Variants in PCCA observed in about 807,000 individuals in gnomAD.
PCCA encodes propionyl-CoA carboxylase subunit alpha.
PCCA carries 74 observed loss-of-function variants against 101.3 expected under a neutral mutation model. The observed-to-expected ratio is 0.73, with a 90% CI of 0.61 to 0.89. The LOEUF (loss-of-function observed/expected upper bound fraction) is 0.89, where lower values mean the gene tolerates loss of function less well. Ranked by LOEUF, PCCA falls within the 40% of genes least tolerant of loss-of-function variation. PCCA has a pLI of 0.00. For synonymous variants in PCCA, 294 were observed against 313.6 expected, an observed-to-expected ratio of 0.94 and a Z score of 0.66; for missense variants, 891 against 907.0, an observed-to-expected ratio of 0.98 and a Z score of 0.23.
intron 6 of PCCA, among the ~76,000 whole-genome samples, chr13:100,195,696 C>G (rs1350830889): frequency 2.5e-4 from 38 of 152,128 alleles, no homozygotes. Flanking sequence ...ATTTTCTTAC[C>G]TAACACCTCC....
At chr13:100,316,196 A>C (rs1297528400) in intron 16 of PCCA, among the ~76,000 whole-genome samples, 1 of 152,210 alleles carries the variant, frequency 6.6e-6, no homozygotes, top group Non-Finnish European at 1.5e-5. Flanking sequence ...AGGAAAGAAA[A>C]AGAGATAACG....
chr13:100,365,387 A>G (rs2075063169), intron 18 of PCCA, among the ~76,000 whole-genome samples: 2 of 152,180 alleles, frequency 1.3e-5, no homozygotes, highest in African/African-American at 2.4e-5. Context: ...ATCACCATCT[A>G]TAAGGTCCCT....
intron 4 of PCCA, among the ~76,000 whole-genome samples, chr13:100,131,767 T>G (rs1333802581): frequency 6.6e-6 from 1 of 152,224 alleles, no homozygotes; most frequent in Non-Finnish European, 1.5e-5. Flanking sequence ...TGAGCACTTG[T>G]TATGTGAAGA....
At chr13:100,355,665 A>C (rs967067887) in intron 18 of PCCA, among the ~76,000 whole-genome samples, 2 of 152,186 alleles carry the variant, frequency 1.3e-5, no homozygotes, top group African/African-American at 4.8e-5. Context: ...AAGATGACCT[A>C]AATGAAAAAC....
In PCCA at chr13:100,296,773, TTA is replaced by T. The variant is rs1474716956; in HGVS notation, c.1066-4685_1066-4684del. ...ACTTCCTAAAAACAAGTAAATTTTC[TTA>T]TGTAACTATAGCACCATAATCAAAA... On this transcript the variant is annotated intron_variant, in intron 12 of 23. Transcript: ENST00000376285. Among the ~76,000 whole-genome samples the T allele has an allele frequency of 2.6e-5, 4 of 152,326 alleles. No homozygotes were observed. In the East Asian group the frequency reaches 7.7e-4, roughly 29 times the overall value.
intron 21 of PCCA, among the ~76,000 whole-genome samples, chr13:100,492,127 T>A (rs3783173): frequency 0.23 from 34,825 of 151,818 alleles, 4,106 homozygotes; most frequent in Non-Finnish European, 0.25. Context: ...TTAGATGGAT[T>A]GTCATCTCTC....
Position 100,303,015 on chromosome 13 carries a change from T to G in PCCA, c.1284+17T>G, listed in dbSNP as rs531058073. On this transcript the variant is annotated intron_variant, in intron 14 of 23. Coordinates refer to ENST00000376285, the MANE Select transcript of PCCA (RefSeq NM_000282.4). ...CTACCTGGTGTAAGTCATTAAGCTG[T>G]AATACCAGCTGAAGGGTTAAAATCG... 7.9e-6 allele frequency: 11 copies of G among 1,390,462 alleles called. No homozygotes were observed. The Admixed American group carries it at 1.5e-4, about 19-fold the overall frequency. 86.1% of individuals were successfully genotyped at this position (1,390,462 alleles called of 1,614,324 possible). A position where few individuals can be genotyped will look rare whatever the true frequency, so the allele number is the denominator to read the frequency against.
intron 1 of PCCA, among the ~76,000 whole-genome samples, chr13:100,094,484 C>T (rs929323658): frequency 1.3e-5 from 2 of 152,056 alleles, no homozygotes; most frequent in African/African-American, 4.8e-5. Context: ...ATGGGATCAA[C>T]CTAATAAGAT....
chr13:100,153,500 CT>C (rs1482106694), intron 4 of PCCA, among the ~76,000 whole-genome samples: 1 of 152,092 alleles, frequency 6.6e-6, no homozygotes, highest in Non-Finnish European at 1.5e-5. Flanking sequence ...TAAATGTATT[CT>C]TTTTAAAGGA....
chr13:100,100,531 A>C (rs1202773389), intron 1 of PCCA, among the ~76,000 whole-genome samples: 1 of 152,246 alleles, frequency 6.6e-6, no homozygotes, highest in Non-Finnish European at 1.5e-5. Flanking sequence ...AATTCTGTGT[A>C]GAGGTCCAAA....
intron 7 of PCCA, among the ~76,000 whole-genome samples, chr13:100,229,748 C>G (rs7325806): frequency 6.6e-6 from 1 of 152,338 alleles, no homozygotes; most frequent in African/African-American, 2.4e-5. Context: ...ATGACCCTGT[C>G]TCCTTTGTTC....
intron 8 of PCCA, among the ~76,000 whole-genome samples, chr13:100,253,494 G>A (rs777196643): frequency 5.3e-5 from 8 of 152,126 alleles, no homozygotes; most frequent in Non-Finnish European, 7.4e-5. Context: ...AAAGTAAGAC[G>A]CACTGGTAGC....
At chr13:100,258,907 G>C (rs1322880042) in intron 9 of PCCA, among the ~76,000 whole-genome samples, 1 of 149,466 alleles carries the variant, frequency 6.7e-6, no homozygotes, top group Non-Finnish European at 1.5e-5. Context: ...CAGAAAACTT[G>C]TTGAGATCAA....
chr13:100,524,166 C>T (rs923579551), intron 22 of PCCA, among the ~76,000 whole-genome samples: 3 of 152,342 alleles, frequency 2.0e-5, no homozygotes, highest in South Asian at 2.1e-4. Context: ...TCCCAAGGGC[C>T]GAGTGCTGGC....
intron 7 of PCCA, among the ~76,000 whole-genome samples, chr13:100,231,614 CTA>C (rs1566758032): frequency 6.6e-6 from 1 of 152,104 alleles, no homozygotes; most frequent in African/African-American, 2.4e-5. Flanking sequence ...AATTTTTAAA[CTA>C]TGAAAATATG....
At chr13:100,224,608 A>G in intron 7 of PCCA, among the ~76,000 whole-genome samples, 1 of 152,240 alleles carries the variant, frequency 6.6e-6, no homozygotes, top group East Asian at 1.9e-4. Context: ...TCACTTCTTC[A>G]GGAGGACTGC....
At chr13:100,216,339 G>A (rs1183357693) in intron 7 of PCCA, among the ~76,000 whole-genome samples, 1 of 152,236 alleles carries the variant, frequency 6.6e-6, no homozygotes, top group Non-Finnish European at 1.5e-5. Context: ...TGGAATCATC[G>A]AGAGAGACAA....
In PCCA at chr13:100,209,314, A is replaced by G; in HGVS notation, c.469-18A>G. Reference sequence around the variant, plus strand: ...CGTAATGTTCTTGTTATAAATTTTGACTTGTTTTTCTCCACAGGCAGCAGA... The same window carrying G: ...CGTAATGTTCTTGTTATAAATTTTGGCTTGTTTTTCTCCACAGGCAGCAGA... On this transcript the variant is annotated intron_variant, in intron 6 of 23. Transcript: ENST00000376285. 6.2e-7 allele frequency: 1 copy of G among 1,611,594 alleles called. No individual in the cohort carries two copies. The highest frequency in any genetic ancestry group is 1.7e-5 in the Admixed American group (1 of 60,000).
chr13:100,155,203 A>C (rs1334234868), intron 5 of PCCA, 111 bp downstream of exon 5: 3 of 776,382 alleles, frequency 3.9e-6, no homozygotes, highest in Non-Finnish European at 6.7e-6. Flanking sequence ...ATGCTGTTGC[A>C]GTTAGTTCAT....
Sources: allele counts gnomAD v4.1 joint callset (sites outside exome capture counted in the v4.1 genomes callset), GRCh38; gene constraint gnomAD v4.1.1; transcripts MANE v1.5; gene names NCBI Gene and HGNC (gene_info 2026-07-23, HGNC 2026-07-21).